The following SYNE1 variants were observed in gnomAD, a reference collection of about 807,000 sequenced individuals.
SYNE1 encodes spectrin repeat containing nuclear envelope protein 1.
In SYNE1, 616 loss-of-function variants were observed where a neutral mutation model predicts 1,111.0. The observed-to-expected ratio is 0.55, with a 90% CI of 0.52 to 0.59. The LOEUF is 0.59. Among genes scored for constraint, SYNE1 ranks in the 20% least tolerant of loss-of-function variants. The pLI is 0.00. For missense variants in SYNE1, 10,006 were observed against 10,417.0 expected (o/e 0.96, Z 1.72); for synonymous variants, 3,855 against 3,825.8 (o/e 1.01, Z -0.28).
At chr6:152,549,695 T>C (rs2099330582) in intron 3 of SYNE1, among the ~76,000 whole-genome samples, 1 of 152,138 alleles carries the variant, frequency 6.6e-6, no homozygotes, top group Non-Finnish European at 1.5e-5. Flanking sequence ...GCTGTGGGCT[T>C]GAGGGAAAAG....
chr6:152,470,715 A>G (rs2098800877), intron 16 of SYNE1, among the ~76,000 whole-genome samples: 1 of 152,210 alleles, frequency 6.6e-6, no homozygotes, highest in African/African-American at 2.4e-5. Flanking sequence ...TTTTAGAGTC[A>G]CTGTGACTAA....
chr6:152,174,973 C>T (rs2066054559), intron 130 of SYNE1, among the ~76,000 whole-genome samples: 1 of 152,218 alleles, frequency 6.6e-6, no homozygotes, highest in Non-Finnish European at 1.5e-5. Context: ...GCGGGTGGCT[C>T]ACCTGAGGTC....
In SYNE1 at chr6:152,449,640, A is replaced by C; in HGVS notation, c.3397T>G (p.Phe1133Val). Residue 1133 changes from phenylalanine to valine, a missense_variant and splice_region_variant, in exon 28 of 146, where the codon TTC becomes GTC. Coordinates refer to ENST00000367255, the MANE Select transcript of SYNE1 (RefSeq NM_182961.4). ...PDKWKDYTSR[F>V]SEFSSWISTN... is the part of the protein sequence containing the mutation. ...GATATCCAAGATGAGAACTCAGAGA[A>C]TCTGAAATAACATAAGCACTTTCTT... 2 of 1,606,378 alleles carry C rather than the reference A, an allele frequency of 1.2e-6. No homozygotes were observed. Among genetic ancestry groups the C allele is most frequent in the Admixed American group, 3.3e-5 (2 of 60,020 alleles).
At chr6:152,193,854 A>G (rs960791633) in intron 127 of SYNE1, among the ~76,000 whole-genome samples, 1 of 151,906 alleles carries the variant, frequency 6.6e-6, no homozygotes, top group African/African-American at 2.4e-5. Context: ...TACTAAAAAA[A>G]TACAAAAAAT....
rs866512629 is a variant in SYNE1, at chr6:152,362,718, G to C, written c.10146-395C>G. 3.3e-5 allele frequency among the ~76,000 whole-genome samples: 5 copies of C among 152,262 alleles called. 1 individual carries two copies. The South Asian group carries it at 1.0e-3, about 32-fold the overall frequency. ...TCTATCAAACCGAGCAGGACATTGA[G>C]AGCAGGAGAGAAAAGTAAGAACAGT... On this transcript the variant is annotated intron_variant, in intron 63 of 145. Coordinates refer to ENST00000367255, the MANE Select transcript of SYNE1 (RefSeq NM_182961.4).
At chr6:152,296,943 A>AACTT (rs2094911789) in intron 93 of SYNE1, among the ~76,000 whole-genome samples, 1 of 152,122 alleles carries the variant, frequency 6.6e-6, no homozygotes, top group Admixed American at 6.5e-5. Flanking sequence ...GAGACTGTGT[A>AACTT]ACTTCTGTTT....
intron 14 of SYNE1, among the ~76,000 whole-genome samples, chr6:152,480,110 T>A (rs1182358411): frequency 6.6e-6 from 1 of 152,222 alleles, no homozygotes; most frequent in Non-Finnish European, 1.5e-5. Flanking sequence ...TAAATTGTGA[T>A]TTTCCCAATT....
At chr6:152,531,357 T>C (rs2099200274) in intron 4 of SYNE1, among the ~76,000 whole-genome samples, 2 of 152,188 alleles carry the variant, frequency 1.3e-5, no homozygotes, top group South Asian at 4.1e-4. Flanking sequence ...GAAAAGGTGT[T>C]ACATTGGTGG....
Position 152,368,916 on chromosome 6 carries a change from A to T in SYNE1, c.9807+56T>A, listed in dbSNP as rs149907228. 1.1e-5 allele frequency: 18 copies of T among 1,612,196 alleles called. No homozygotes were observed. The East Asian group carries it at 4.0e-4, about 36-fold the overall frequency. On this transcript the variant is annotated intron_variant, in intron 61 of 145. Transcript: ENST00000367255. ...TGCACACCCTGCAGAACCTGCTGCA[A>T]CTCCAATTTTGCGACATCAGTATCA...
intron 118 of SYNE1, 77 bp from the exon 119 acceptor site, chr6:152,221,123 T>C: frequency 2.1e-6 from 3 of 1,433,508 alleles, no homozygotes; most frequent in South Asian, 1.2e-5. Context: ...TTATTTTTCA[T>C]GATCCTGGTT....
intron 115 of SYNE1, among the ~76,000 whole-genome samples, chr6:152,228,580 T>C (rs563293720): frequency 1.3e-5 from 2 of 151,978 alleles, no homozygotes; most frequent in South Asian, 4.2e-4. Context: ...GTGGAAAAAA[T>C]AAAAGAAAAT....
chr6:152,472,095 C>T (rs1160061250), intron 15 of SYNE1: 3 of 610,728 alleles, frequency 4.9e-6, no homozygotes, highest in African/African-American at 3.7e-5. Flanking sequence ...GATTTCTAGG[C>T]TGTGGATAAA....
chr6:152,143,962 G>T (rs971858358), intron 137 of SYNE1, 197 bp from the exon 138 acceptor site: 3 of 718,966 alleles, frequency 4.2e-6, no homozygotes, highest in Non-Finnish European at 4.6e-6. Flanking sequence ...GAAGGTGCTT[G>T]ACTGAGAGCC....
chr6:152,324,532 G>T (rs1012898521), intron 81 of SYNE1, among the ~76,000 whole-genome samples: 4 of 152,198 alleles, frequency 2.6e-5, no homozygotes, highest in Non-Finnish European at 5.9e-5. Context: ...GGTGGCTCAC[G>T]CCTGTAATCC....
chr6:152,453,951 C>A (rs191194203), intron 24 of SYNE1, among the ~76,000 whole-genome samples: 33 of 152,184 alleles, frequency 2.2e-4, no homozygotes, highest in Non-Finnish European at 4.3e-4. Context: ...TAGAAAAATT[C>A]TTTGTGATTT....
chr6:152,369,695 C>T, intron 59 of SYNE1, 81 bp from the exon 60 acceptor site: 1 of 1,552,268 alleles, frequency 6.4e-7, no homozygotes, highest in Non-Finnish European at 8.8e-7. Context: ...ATTCAAAGTC[C>T]ACCCAGGCTG....
In SYNE1 at chr6:152,471,770, A is replaced by C; in HGVS notation, c.1464-5T>G. 6.2e-7 allele frequency: 1 copy of C among 1,613,240 alleles called. No homozygotes were observed. Among genetic ancestry groups the C allele is most frequent in the Non-Finnish European group, 8.5e-7 (1 of 1,179,404 alleles). On this transcript the variant is annotated splice_region_variant and splice_polypyrimidine_tract_variant and intron_variant, in intron 15 of 145. Coordinates refer to ENST00000367255, the MANE Select transcript of SYNE1 (RefSeq NM_182961.4). ...GTGGAGGAAACAAAATGAAACCTAG[A>C]AATAAAACAGGGAGAATTTATAGAA...
intron 6 of SYNE1, among the ~76,000 whole-genome samples, chr6:152,512,232 G>A (rs2099088648): frequency 6.6e-6 from 1 of 152,098 alleles, no homozygotes; most frequent in Non-Finnish European, 1.5e-5. Flanking sequence ...ATACCTATGG[G>A]ATTTTTGTCT....
intron 89 of SYNE1, among the ~76,000 whole-genome samples, 167 bp downstream of exon 89, chr6:152,310,229 T>C (rs1320112319): frequency 2.6e-5 from 4 of 151,976 alleles, no homozygotes; most frequent in African/African-American, 9.7e-5. Flanking sequence ...ACCACATGAG[T>C]TCAGGAGTTC....
Sources: gnomAD v4.1 joint callset for allele counts (sites outside exome capture counted in the v4.1 genomes callset) on GRCh38, gnomAD v4.1.1 for gene constraint, MANE v1.5 for transcripts, NCBI Gene and HGNC (gene_info 2026-07-23, HGNC 2026-07-21) for gene names.